Variants in KRT71 observed in about 807,000 individuals in gnomAD.
The protein encoded by KRT71 is keratin 71.
A neutral mutation model predicts 46.2 loss-of-function variants in KRT71; 42 were observed. That is an observed-to-expected ratio of 0.91 (90% CI 0.71 to 1.18). The LOEUF is 1.18. KRT71 is among the 50% of genes most tolerant of loss of function. The pLI, the probability that KRT71 is intolerant of heterozygous loss-of-function variation, is 0.00. For missense variants in KRT71, 708 were observed against 677.9 expected (o/e 1.04, Z -0.49); for synonymous variants, 292 against 277.8 (o/e 1.05, Z -0.51).
rs751847824 is a variant in KRT71, at chr12:52,553,017, A to G, written c.61T>C (p.Ser21Pro). The G allele has an allele frequency of 2.5e-6, 4 of 1,610,156 alleles. No homozygotes were observed. Among genetic ancestry groups the G allele is most frequent in the Non-Finnish European group, 3.4e-6 (4 of 1,177,662 alleles). Residue 21 changes from serine to proline, a missense_variant, in exon 1 of 9, where the codon TCA becomes CCA. Ser to Pro is a moderately conservative substitution (Grantham distance 74). Coordinates refer to ENST00000267119, the MANE Select transcript of KRT71 (RefSeq NM_033448.3). ...GAGCTGCCCCCTGAGAGCACAGCTGAGCAGCCACTGAAGCCCCCCTTGGCG... is the reference window on the plus strand; with the variant it reads ...GAGCTGCCCCCTGAGAGCACAGCTGGGCAGCCACTGAAGCCCCCCTTGGCG... ...AAAKGGFSGC[S>P]AVLSGGSSSS...
chr12:52,547,765 C>A, intron 6 of KRT71, 92 bp downstream of exon 6: 1 of 1,484,192 alleles, frequency 6.7e-7, no homozygotes, highest in Non-Finnish European at 9.1e-7. Context: ...TCCCAGGCAG[C>A]GATCTGGGAG....
intron 2 of KRT71, 129 bp from the exon 3 acceptor site, chr12:52,549,482 AGGG>A (rs1939123975): frequency 1.5e-5 from 11 of 757,930 alleles, no homozygotes; most frequent in South Asian, 3.0e-5. Context: ...AGTACTGGGC[AGGG>A]GTAAGTGGGG....
chr12:52,551,877 C>T (rs1453359723), intron 1 of KRT71, among the ~76,000 whole-genome samples: 3 of 152,188 alleles, frequency 2.0e-5, no homozygotes, highest in Non-Finnish European at 4.4e-5. Flanking sequence ...TTTGATTCCT[C>T]CCCTGAGCTT....
At chr12:52,548,593 C>T in intron 4 of KRT71, 108 bp downstream of exon 4, 2 of 990,244 alleles carry the variant, frequency 2.0e-6, no homozygotes, top group South Asian at 2.9e-5. Flanking sequence ...GGTTGGCTAA[C>T]TGAGGGGTCT....
At chr12:52,551,962 G>A (rs1362050418) in intron 1 of KRT71, among the ~76,000 whole-genome samples, 2 of 152,166 alleles carry the variant, frequency 1.3e-5, no homozygotes, top group East Asian at 1.9e-4. Flanking sequence ...GTGTGCGTCA[G>A]GCTTGTGACA....
rs1939085428 is a variant in KRT71, at chr12:52,547,945, TC to T, written c.1015del (p.Asp339ThrfsTer27). 2 of 1,614,188 alleles carry T rather than the reference TC, an allele frequency of 1.2e-6. No homozygotes were observed. The highest frequency in any genetic ancestry group is 4.5e-5 in the East Asian group (2 of 44,878). On this transcript the variant is annotated frameshift_variant, in exon 6 of 9. Coordinates refer to ENST00000267119, the MANE Select transcript of KRT71 (RefSeq NM_033448.3). LOFTEE classifies it high-confidence loss of function. Reference protein sequence around the residue: ...ELQLAAGRHGDDLKNTKNEIS... With the variant: ...ELQLAAGRHGXDLKNTKNEIS... The stretch of plus-strand genomic sequence containing the variant: ...TTCATTCTTGGTGTTTTTGAGGTCG[TC>T]CCCATGCCTGCCAGCTGCCAGCTGA...
Position 52,544,676 on chromosome 12 carries a change from A to T in KRT71, c.1428T>A (p.Tyr476Ter). 6.2e-7 allele frequency: 1 copy of T among 1,613,896 alleles called. No homozygotes were observed. Among genetic ancestry groups the T allele is most frequent in the Non-Finnish European group, 8.5e-7 (1 of 1,180,012 alleles). Residue 476 changes from tyrosine (Y) to a stop codon, truncating the protein, a stop_gained, in exon 9 of 9, where the codon TAT becomes TAA. Coordinates refer to ENST00000267119, the MANE Select transcript of KRT71 (RefSeq NM_033448.3). LOFTEE classifies it low-confidence loss of function (END_TRUNC). ...AGATGCAGTTGCTGCTGTTGGCCACATAGCCACCGCTGACCATGCTGGGCC... is the reference window on the plus strand; with the variant it reads ...AGATGCAGTTGCTGCTGTTGGCCACTTAGCCACCGCTGACCATGCTGGGCC... ...GFRPSMVSGG[Y>*]VANSSNCISG...
chr12:52,547,727 G>A, intron 6 of KRT71, 130 bp downstream of exon 6: 1 of 1,150,392 alleles, frequency 8.7e-7, no homozygotes, highest in Non-Finnish European at 1.2e-6. Flanking sequence ...GGTGTTTGAG[G>A]CAGCGACCTC....
rs61732729 is a variant in KRT71, at chr12:52,552,726, C to T, written c.352G>A (p.Glu118Lys). 334 of 1,613,934 alleles carry T rather than the reference C, an allele frequency of 2.1e-4. No homozygotes were observed. The highest frequency in any genetic ancestry group is 2.7e-4 in the Non-Finnish European group (324 of 1,179,918). The change falls in exon 1 of 9, where the codon GAG becomes AAG. Residue 118 changes from glutamate to lysine, a missense_variant. Glu to Lys is a moderately conservative substitution (Grantham distance 56). Transcript: ENST00000267119. ...NESLLAPLNV[E>K]LDPEIQKVRA... The stretch of plus-strand genomic sequence containing the variant: ...ACTTTCTGGATCTCGGGGTCCAGCT[C>T]CACGTTGAGGGGGGCCAGGAGGCTC...
intron 6 of KRT71, 70 bp from the exon 7 acceptor site, chr12:52,546,576 GGGTCCTTAGAGTGGGGCAGAGT>G: frequency 6.7e-7 from 1 of 1,499,754 alleles, no homozygotes; most frequent in African/African-American, 1.4e-5. Flanking sequence ...CAATCCCTCT[GGGTCCTTAGAGTGGGGCAGAGT>G]GGCCCGCCTC....
Position 52,544,298 on chromosome 12 carries a change from C to T in KRT71, c.*234G>A. The T allele has an allele frequency of 1.7e-6, 1 of 588,594 alleles. No individual in the cohort carries two copies. The highest frequency in any genetic ancestry group is 3.0e-6 in the Non-Finnish European group (1 of 327,958). The allele number at this position is 588,594 out of a possible 1,614,324, so 36.5% of individuals were successfully genotyped here. A position where few individuals can be genotyped will look rare whatever the true frequency, so the allele number is the denominator to read the frequency against. On this transcript the variant is annotated 3_prime_UTR_variant, in exon 9 of 9. Coordinates refer to ENST00000267119, the MANE Select transcript of KRT71 (RefSeq NM_033448.3). ...GGCTGGTGGTGTAGCTGGGGGACCA[C>T]AGCCAAGGAGTTAATAGGGTGTGTA...
chr12:52,544,571 A>T lies in KRT71; in HGVS notation c.1533T>A (p.Gly511=). 1 of 1,613,560 alleles carries T rather than the reference A, an allele frequency of 6.2e-7. No homozygotes were observed. Among genetic ancestry groups the T allele is most frequent in the Non-Finnish European group, 8.5e-7 (1 of 1,179,828 alleles). Residue 511 remains glycine (G), a synonymous_variant, in exon 9 of 9, where the codon GGT becomes GGA. Transcript: ENST00000267119. ...ANDYKDTLGK[G]SSLSAPSKKT... ...TCTTGGAGGGTGCACTCAGGCTGGA[A>T]CCCTTCCCTAGGGTGTCTTTGTAAT...
intron 1 of KRT71, among the ~76,000 whole-genome samples, chr12:52,551,700 CA>C (rs1440096925): frequency 6.6e-6 from 1 of 152,194 alleles, no homozygotes; most frequent in Non-Finnish European, 1.5e-5. Flanking sequence ...GGTCTGGAGG[CA>C]AAAGGCTGAG....
At chr12:52,552,083 C>T (rs1939180908) in intron 1 of KRT71, among the ~76,000 whole-genome samples, 1 of 152,244 alleles carries the variant, frequency 6.6e-6, no homozygotes, top group Non-Finnish European at 1.5e-5. Flanking sequence ...AGATCACCTT[C>T]CCAGAGCCAC....
chr12:52,547,933 T>C lies in KRT71; in HGVS notation c.1028A>G (p.Asn343Ser), dbSNP rs1320256027. Residue 343 changes from asparagine (N) to serine (S), a missense_variant, in exon 6 of 9, where the codon AAC becomes AGC. Transcript: ENST00000267119. ...AAGRHGDDLK[N>S]TKNEISELTR... ...GAGCTCCGAGATTTCATTCTTGGTG[T>C]TTTTGAGGTCGTCCCCATGCCTGCC... 6.2e-7 allele frequency: 1 copy of C among 1,614,002 alleles called. No homozygotes were observed. The highest frequency in any genetic ancestry group is 8.5e-7 in the Non-Finnish European group (1 of 1,180,012).
At chr12:52,545,689 T>C in intron 7 of KRT71, 90 bp from the exon 8 acceptor site, 1 of 792,910 alleles carries the variant, frequency 1.3e-6, no homozygotes, top group Non-Finnish European at 2.1e-6. Flanking sequence ...CTTATGTGGG[T>C]TTTTGGACCC....
In KRT71 at chr12:52,545,609, A is replaced by G. The variant is rs767740587; in HGVS notation, c.1326-10T>C. ...AAATTCTCCTGACATCCTATTAAGGAGAGAAATAAAATAAGAGGAGAAGAG... is the reference window on the plus strand; with the variant it reads ...AAATTCTCCTGACATCCTATTAAGGGGAGAAATAAAATAAGAGGAGAAGAG... On this transcript the variant is annotated splice_polypyrimidine_tract_variant and intron_variant, in intron 7 of 8. Transcript: ENST00000267119. 6.7e-7 allele frequency: 1 copy of G among 1,484,168 alleles called. No individual in the cohort carries two copies. The highest frequency in any genetic ancestry group is 2.3e-5 in the East Asian group (1 of 43,008). The allele number at this position is 1,484,168 out of a possible 1,614,324, so 91.9% of individuals were successfully genotyped here.
intron 5 of KRT71, 70 bp from the exon 6 acceptor site, chr12:52,548,052 C>T: frequency 2.5e-6 from 4 of 1,603,392 alleles, no homozygotes; most frequent in Non-Finnish European, 3.4e-6. Flanking sequence ...CAGAACACAA[C>T]AGACACTTAC....
At chr12:52,548,081 C>A in intron 5 of KRT71, 71 bp downstream of exon 5, 1 of 1,600,148 alleles carries the variant, frequency 6.2e-7, no homozygotes, top group Non-Finnish European at 8.5e-7. Flanking sequence ...TGCTTCTATT[C>A]TGGGCACGAT....
Sources: gnomAD v4.1 joint callset for allele counts (sites outside exome capture counted in the v4.1 genomes callset) on GRCh38, gnomAD v4.1.1 for gene constraint, MANE v1.5 for transcripts, NCBI Gene and HGNC (gene_info 2026-07-23, HGNC 2026-07-21) for gene names.